Variants in PCDH11X observed in about 807,000 individuals in gnomAD.
PCDH11X encodes protocadherin 11 X-linked.
In PCDH11X, 18 loss-of-function variants were observed where a neutral mutation model predicts 53.3. The ratio of observed to expected loss-of-function variants is 0.34; its 90% CI spans 0.23 to 0.50. PCDH11X has a LOEUF of 0.50. PCDH11X is among the 20% of genes least tolerant of loss of function. The probability of loss-of-function intolerance (pLI) is 0.98; values close to 1 mark genes in which losing one functional copy is unlikely to be tolerated. For missense variants in PCDH11X, 570 were observed against 1,032.4 expected (o/e 0.55, Z 6.14); for synonymous variants, 279 against 393.3 (o/e 0.71, Z 3.44).
chrX:92,449,086 T>C (rs1384365772), intron 9 of PCDH11X, among the ~76,000 whole-genome samples: 2 of 111,938 alleles, frequency 1.8e-5, no homozygotes, highest in Admixed American at 1.9e-4. Context: ...TTTGACACCC[T>C]TCAGCTACTA....
At chrX:91,793,600 A>G (rs1327972760) in intron 1 of PCDH11X, among the ~76,000 whole-genome samples, 2 of 111,821 alleles carry the variant, frequency 1.8e-5, no homozygotes, top group African/African-American at 3.2e-5. Flanking sequence ...ATTTGGTTCT[A>G]TTTTCAAATA....
chrX:92,312,676 C>T lies in PCDH11X; in HGVS notation c.3144+49533C>T, dbSNP rs35268136. Among the ~76,000 whole-genome samples the T allele has an allele frequency of 1.3e-4, 15 of 111,525 alleles. No homozygotes were observed. The East Asian group carries it at 3.1e-3, about 23-fold the overall frequency. ...TACTAAAACCTTAGAAATTTGAATG[C>T]GTTTTTATTTTTACCAGCCACAAAT... On this transcript the variant is annotated intron_variant, in intron 8 of 10. Transcript: ENST00000682573.
chrX:92,017,383 C>G (rs1367025078), intron 6 of PCDH11X, among the ~76,000 whole-genome samples: 1 of 109,905 alleles, frequency 9.1e-6, no homozygotes, highest in East Asian at 2.9e-4. Context: ...AAAAAGAGCG[C>G]TGATCACAGA....
intron 6 of PCDH11X, among the ~76,000 whole-genome samples, chrX:91,963,722 A>T (rs2061825513): frequency 9.0e-6 from 1 of 111,503 alleles, no homozygotes; most frequent in African/African-American, 3.3e-5. Flanking sequence ...GCGAATAAGG[A>T]CGTACCAGAG....
intron 8 of PCDH11X, among the ~76,000 whole-genome samples, chrX:92,342,515 G>A (rs1311671082): frequency 1.8e-5 from 2 of 111,612 alleles, no homozygotes; most frequent in Non-Finnish European, 3.8e-5. Flanking sequence ...GGAATACTAC[G>A]AATCTGTGAA....
chrX:92,173,439 T>A (rs1397928796), intron 6 of PCDH11X, among the ~76,000 whole-genome samples: 1 of 111,437 alleles, frequency 9.0e-6, no homozygotes, highest in Non-Finnish European at 1.9e-5. Flanking sequence ...TTTCTCAGTT[T>A]GTTAGATGTA....
intron 1 of PCDH11X, among the ~76,000 whole-genome samples, chrX:91,794,641 G>A (rs926896705): frequency 5.6e-4 from 62 of 110,326 alleles, no homozygotes; most frequent in Non-Finnish European, 8.1e-4. Context: ...TATTCATTCT[G>A]TTCTCATTAT....
chrX:92,320,760 G>A (rs1391358625), intron 8 of PCDH11X, among the ~76,000 whole-genome samples: 1 of 111,482 alleles, frequency 9.0e-6, no homozygotes, highest in Non-Finnish European at 1.9e-5. Flanking sequence ...GCTGAGAAGC[G>A]TGCCTCCTGC....
chrX:92,553,508 A>G (rs1414210425), intron 10 of PCDH11X, among the ~76,000 whole-genome samples: 1 of 108,891 alleles, frequency 9.2e-6, no homozygotes, highest in Non-Finnish European at 1.9e-5. Context: ...CAATTTGTTT[A>G]ACTTTCCCAA....
chrX:91,796,946 T>C (rs1256092517), intron 1 of PCDH11X, among the ~76,000 whole-genome samples: 1 of 111,715 alleles, frequency 9.0e-6, no homozygotes, highest in Non-Finnish European at 1.9e-5. Context: ...GAATGCGAAA[T>C]ATAAATGTAT....
At chrX:91,838,128 T>C (rs1937371227) in intron 5 of PCDH11X, among the ~76,000 whole-genome samples, 1 of 111,810 alleles carries the variant, frequency 8.9e-6, no homozygotes, top group African/African-American at 3.2e-5. Flanking sequence ...TTTTGTCGTG[T>C]CTCCCTTAGG....
chrX:91,876,361 G>A (rs1268852269), intron 5 of PCDH11X, among the ~76,000 whole-genome samples: 2 of 109,987 alleles, frequency 1.8e-5, no homozygotes, highest in African/African-American at 6.6e-5. Context: ...ATAACTTATG[G>A]AAAAATGAAA....
At chrX:92,294,502 A>T (rs1372945428) in intron 8 of PCDH11X, among the ~76,000 whole-genome samples, 1 of 112,457 alleles carries the variant, frequency 8.9e-6, no homozygotes, top group Non-Finnish European at 1.9e-5. Context: ...TTCTAGCAAT[A>T]TTATTGGCTT....
At chrX:92,240,986 A>G (rs1237226266) in intron 7 of PCDH11X, among the ~76,000 whole-genome samples, 1 of 111,418 alleles carries the variant, frequency 9.0e-6, no homozygotes, top group African/African-American at 3.3e-5. Flanking sequence ...GAAATTGTAA[A>G]TGACAATATA....
At chrX:92,038,401 G>A (rs1437392496) in intron 6 of PCDH11X, among the ~76,000 whole-genome samples, 1 of 110,555 alleles carries the variant, frequency 9.0e-6, no homozygotes, top group Non-Finnish European at 1.9e-5. Context: ...GGGCCAACAT[G>A]GAACTCAGGC....
intron 6 of PCDH11X, among the ~76,000 whole-genome samples, chrX:91,973,654 G>A (rs898153691): frequency 4.3e-5 from 4 of 92,785 alleles, no homozygotes; most frequent in African/African-American, 1.2e-4. Context: ...TCACTCTGTC[G>A]CCCAGGCTGG....
chrX:92,077,231 AT>A (rs201633098), intron 6 of PCDH11X, among the ~76,000 whole-genome samples: 3,656 of 108,786 alleles, frequency 0.034, 119 homozygotes, highest in African/African-American at 0.095. Flanking sequence ...AGGTAACCTG[AT>A]TTTTTTTTCA....
chrX:92,143,487 G>A (rs1239084171), intron 6 of PCDH11X, among the ~76,000 whole-genome samples: 1 of 112,731 alleles, frequency 8.9e-6, no homozygotes, highest in Non-Finnish European at 1.9e-5. Context: ...CCAACGTAGA[G>A]CTTGGGCTGT....
intron 10 of PCDH11X, among the ~76,000 whole-genome samples, chrX:92,585,056 G>A (rs1924219299): frequency 9.1e-6 from 1 of 110,128 alleles, no homozygotes; most frequent in Non-Finnish European, 1.9e-5. Context: ...TGGGTTTCTG[G>A]GTAGACCTCA....
Sources: gnomAD v4.1 joint callset for allele counts (sites outside exome capture counted in the v4.1 genomes callset) on GRCh38, gnomAD v4.1.1 for gene constraint, MANE v1.5 for transcripts, NCBI Gene and HGNC (gene_info 2026-07-23, HGNC 2026-07-21) for gene names.